The following GPC6 variants were observed in gnomAD, a reference collection of about 807,000 sequenced individuals.
GPC6 encodes the protein glypican-6.
In GPC6, 14 loss-of-function variants were observed where a neutral mutation model predicts 55.2. The observed-to-expected ratio is 0.25, with a 90% CI of 0.17 to 0.40. The LOEUF is 0.40. Ranked by LOEUF, GPC6 falls within the 10% of genes least tolerant of loss-of-function variation. The probability of loss-of-function intolerance (pLI) is 1.00; values close to 1 mark genes in which losing one functional copy is unlikely to be tolerated. For missense variants in GPC6, 641 were observed against 708.5 expected (o/e 0.90, Z 1.08); for synonymous variants, 278 against 259.6 (o/e 1.07, Z -0.68).
chr13:93,827,055 A>T (rs1887289467), intron 2 of GPC6, among the ~76,000 whole-genome samples: 1 of 152,198 alleles, frequency 6.6e-6, no homozygotes, highest in Admixed American at 6.5e-5. Flanking sequence ...CTGAGCAACC[A>T]ACTTTGATGT....
At chr13:94,337,092 G>A (rs1370329468) in intron 6 of GPC6, among the ~76,000 whole-genome samples, 2 of 152,088 alleles carry the variant, frequency 1.3e-5, no homozygotes, top group African/African-American at 2.4e-5. Flanking sequence ...ACAAATCTGT[G>A]GCCACCAGCC....
chr13:93,893,265 G>T (rs185181516), intron 3 of GPC6, among the ~76,000 whole-genome samples: 1 of 152,060 alleles, frequency 6.6e-6, no homozygotes, highest in African/African-American at 2.4e-5. Context: ...CACCATGTTG[G>T]CCAGGCTGCC....
At chr13:93,277,837 G>T (rs1450904973) in intron 1 of GPC6, among the ~76,000 whole-genome samples, 1 of 152,060 alleles carries the variant, frequency 6.6e-6, no homozygotes, top group East Asian at 1.9e-4. Context: ...TAAATGATGG[G>T]AGAAATTTTC....
At chr13:93,754,219 A>G (rs1310460271) in intron 2 of GPC6, among the ~76,000 whole-genome samples, 1 of 152,178 alleles carries the variant, frequency 6.6e-6, no homozygotes, top group East Asian at 1.9e-4. Context: ...TAATATGTCA[A>G]TTAAACTGGA....
intron 3 of GPC6, among the ~76,000 whole-genome samples, chr13:93,935,257 C>A (rs537734995): frequency 2.6e-5 from 4 of 152,096 alleles, no homozygotes; most frequent in Non-Finnish European, 5.9e-5. Context: ...CAACCCTTGG[C>A]CCCCTCCCAT....
At chr13:93,392,811 T>C in intron 1 of GPC6, among the ~76,000 whole-genome samples, 1 of 152,136 alleles carries the variant, frequency 6.6e-6, no homozygotes, top group South Asian at 2.1e-4. Flanking sequence ...TACACCCACA[T>C]CCATAACACA....
Position 94,403,505 on chromosome 13 carries a change from T to C in GPC6, c.*288T>C. On this transcript the variant is annotated 3_prime_UTR_variant, in exon 9 of 9. Coordinates refer to ENST00000377047, the MANE Select transcript of GPC6 (RefSeq NM_005708.5). ...AGATTTTCTTACCTTCATTTGCTTTTATGCTGCAGAAGTAAAGGAATCTCA... is the reference window on the plus strand; with the variant it reads ...AGATTTTCTTACCTTCATTTGCTTTCATGCTGCAGAAGTAAAGGAATCTCA... 2.3e-6 allele frequency: 1 copy of C among 436,534 alleles called. No homozygotes were observed. The highest frequency in any genetic ancestry group is 4.3e-6 in the Non-Finnish European group (1 of 234,902). 27.0% of individuals were successfully genotyped at this position (436,534 alleles called of 1,614,324 possible).
chr13:93,616,861 T>A (rs1280716539), intron 2 of GPC6, among the ~76,000 whole-genome samples: 1 of 152,076 alleles, frequency 6.6e-6, no homozygotes, highest in Non-Finnish European at 1.5e-5. Context: ...AATGATTAAC[T>A]TTACTAAAAT....
chr13:93,710,572 C>T (rs1317522777), intron 2 of GPC6, among the ~76,000 whole-genome samples: 2 of 151,640 alleles, frequency 1.3e-5, no homozygotes, highest in African/African-American at 4.8e-5. Flanking sequence ...TATTAGGAAT[C>T]GTTATCTGTC....
At chr13:94,282,817 T>C (rs1270696952) in intron 4 of GPC6, among the ~76,000 whole-genome samples, 2 of 152,184 alleles carry the variant, frequency 1.3e-5, no homozygotes, top group Admixed American at 1.3e-4. Flanking sequence ...AAATACTAGC[T>C]CTGGAAACTG....
rs1034843310 is a variant in GPC6 at position 94,070,809 on chromosome 13, T to G, written c.877+42915T>G. On this transcript the variant is annotated intron_variant, in intron 4 of 8. Coordinates refer to ENST00000377047, the MANE Select transcript of GPC6 (RefSeq NM_005708.5). ...TGGAGGTGACACCTTTTCTGGGTGA[T>G]TCTGCAGGAATTCTTTAAAGCAGAT... Among the ~76,000 whole-genome samples the G allele has an allele frequency of 2.6e-4, 40 of 152,312 alleles. 1 individual carries two copies. The highest frequency in any genetic ancestry group is 9.6e-4 in the African/African-American group (40 of 41,568).
chr13:94,353,207 C>A (rs1315133007), intron 6 of GPC6, among the ~76,000 whole-genome samples: 1 of 152,168 alleles, frequency 6.6e-6, no homozygotes, highest in Non-Finnish European at 1.5e-5. Context: ...TGCTGAACCA[C>A]CCAGCAATGG....
intron 1 of GPC6, among the ~76,000 whole-genome samples, chr13:93,373,292 T>A (rs1199809125): frequency 6.6e-6 from 1 of 152,190 alleles, no homozygotes; most frequent in East Asian, 1.9e-4. Flanking sequence ...AAGGAGCACA[T>A]TTCAGATCAT....
At chr13:93,605,040 C>T (rs1019989725) in intron 2 of GPC6, among the ~76,000 whole-genome samples, 3 of 152,136 alleles carry the variant, frequency 2.0e-5, no homozygotes, top group African/African-American at 4.8e-5. Context: ...AATGGCAATC[C>T]TAAAGGATGG....
intron 3 of GPC6, among the ~76,000 whole-genome samples, chr13:93,908,539 G>T (rs572900754): frequency 6.6e-6 from 1 of 152,262 alleles, no homozygotes; most frequent in African/African-American, 2.4e-5. Context: ...GTTTGTGTTT[G>T]CAGTAATACA....
chr13:94,218,876 G>A (rs147950982), intron 4 of GPC6, among the ~76,000 whole-genome samples: 499 of 152,152 alleles, frequency 3.3e-3, no homozygotes, highest in Non-Finnish European at 5.1e-3. Context: ...TCTAGACTTC[G>A]TATTTTTATA....
intron 2 of GPC6, among the ~76,000 whole-genome samples, chr13:93,762,734 C>T (rs1279758783): frequency 6.6e-6 from 1 of 152,178 alleles, no homozygotes; most frequent in African/African-American, 2.4e-5. Context: ...TAAATCTATA[C>T]TATTGTTCTA....
chr13:94,019,803 C>A (rs1253545527), intron 3 of GPC6, among the ~76,000 whole-genome samples: 1 of 152,192 alleles, frequency 6.6e-6, no homozygotes, highest in Non-Finnish European at 1.5e-5. Flanking sequence ...TCCACCACAG[C>A]GTACAACTGT....
chr13:93,881,061 T>G (rs1441675681), intron 3 of GPC6, among the ~76,000 whole-genome samples: 1 of 152,058 alleles, frequency 6.6e-6, no homozygotes, highest in Non-Finnish European at 1.5e-5. Flanking sequence ...TGCTCTTTGC[T>G]TATTAGCCAC....
Sources: allele counts gnomAD v4.1 joint callset (sites outside exome capture counted in the v4.1 genomes callset), GRCh38; gene constraint gnomAD v4.1.1; transcripts MANE v1.5; gene names NCBI Gene and HGNC (gene_info 2026-07-23, HGNC 2026-07-21).